The following MTSS1 variants were observed in gnomAD, a reference collection of about 807,000 sequenced individuals.
MTSS1 encodes protein MTSS 1.
MTSS1 carries 18 observed loss-of-function variants against 79.0 expected under a neutral mutation model. The ratio of observed to expected loss-of-function variants is 0.23; its 90% CI spans 0.16 to 0.34. MTSS1 has a LOEUF of 0.34. Ranked by LOEUF, MTSS1 falls within the 10% of genes least tolerant of loss-of-function variation. The pLI is 1.00. For synonymous variants in MTSS1, 341 were observed against 368.6 expected (o/e 0.93, Z 0.86); for missense variants, 815 against 986.2 (o/e 0.83, Z 2.33).
rs1199637630 is a variant in MTSS1 at position 124,567,057 on chromosome 8, C to T, written c.726+14G>A. On this transcript the variant is annotated intron_variant, in intron 8 of 13. Coordinates refer to ENST00000518547, the MANE Select transcript of MTSS1 (RefSeq NM_014751.6). Reference sequence around the variant, plus strand: ...TTGGTTTGATCCTGTAAGTGCTTAACCCCTGAAGCCTACCTGTTCACTTGA... The same window carrying T: ...TTGGTTTGATCCTGTAAGTGCTTAATCCCTGAAGCCTACCTGTTCACTTGA... 6.9e-6 allele frequency: 11 copies of T among 1,589,740 alleles called. No individual in the cohort carries two copies. The highest frequency in any genetic ancestry group is 9.5e-6 in the Non-Finnish European group (11 of 1,158,088).
In MTSS1 at chr8:124,558,517, G is replaced by A. The variant is rs79146787; in HGVS notation, c.1036-642C>T. On this transcript the variant is annotated intron_variant, in intron 10 of 13. Coordinates refer to ENST00000518547, the MANE Select transcript of MTSS1 (RefSeq NM_014751.6). The stretch of plus-strand genomic sequence containing the variant: ...CCTTCCTCTCCCTTGAGACAACCAT[G>A]TGGTCATTGTCCAGCAGCCAGGCAC... 9.1e-3 allele frequency among the ~76,000 whole-genome samples: 1,385 copies of A among 152,256 alleles called. 24 individuals are homozygous for A. Among genetic ancestry groups the A allele is most frequent in the African/African-American group, 0.032 (1,334 of 41,540 alleles).
chr8:124,645,122 C>T (rs568477414), intron 3 of MTSS1, among the ~76,000 whole-genome samples: 74 of 152,246 alleles, frequency 4.9e-4, no homozygotes, highest in Non-Finnish European at 9.7e-4. Flanking sequence ...AATCCCAGCA[C>T]TTTGGGAGGC....
intron 3 of MTSS1, among the ~76,000 whole-genome samples, chr8:124,652,814 C>A (rs7819500): frequency 0.082 from 10,655 of 130,254 alleles, 464 homozygotes; most frequent in African/African-American, 0.12. Context: ...AAAAAAAAAA[C>A]ACAGCCATCA....
rs965730393 is a variant in MTSS1 at position 124,553,775 on chromosome 8, G to A, written c.1568-83C>T. 5.7e-6 allele frequency: 7 copies of A among 1,219,794 alleles called. No homozygotes were observed. Among genetic ancestry groups the A allele is most frequent in the East Asian group, 2.4e-5 (1 of 40,902 alleles). 75.6% of individuals were successfully genotyped at this position (1,219,794 alleles called of 1,614,324 possible). On this transcript the variant is annotated intron_variant, in intron 13 of 13. Coordinates refer to ENST00000518547, the MANE Select transcript of MTSS1 (RefSeq NM_014751.6). The surrounding 1 kb of genome is among the most constrained non-coding windows in gnomAD (Gnocchi z 6.0). ...TCTGGGCTGGGAGGACAAAAGGCAC[G>A]CAAGGCAGGGTACACACACAGTCTC...
chr8:124,670,179 G>A (rs886272219), intron 3 of MTSS1, among the ~76,000 whole-genome samples: 2 of 152,250 alleles, frequency 1.3e-5, no homozygotes, highest in African/African-American at 4.8e-5. Context: ...AGGAGGATGG[G>A]GTATTTTTGC....
chr8:124,570,381 G>A (rs550794465), intron 6 of MTSS1, among the ~76,000 whole-genome samples: 1 of 152,224 alleles, frequency 6.6e-6, no homozygotes, highest in Admixed American at 6.5e-5. Flanking sequence ...CCTCCTCTGT[G>A]GTTTTGCTTT....
chr8:124,643,473 A>G (rs62530690), intron 3 of MTSS1, among the ~76,000 whole-genome samples: 31,979 of 151,970 alleles, frequency 0.21, 4,188 homozygotes, highest in African/African-American at 0.37. Context: ...CGAGGCAGGC[A>G]GATCACCTGA....
chr8:124,606,164 G>GTTTTTTTTTTTTTT (rs199611609), intron 3 of MTSS1, among the ~76,000 whole-genome samples: 1 of 106,060 alleles, frequency 9.4e-6, no homozygotes, highest in African/African-American at 4.4e-5. Context: ...TCTGTGTTTG[G>GTTTTTTTTTTTTTT]TTTTTTGTTT....
At position 124,728,091 on chromosome 8, in the gene MTSS1, G is replaced by C. The variant is rs1000637463; in HGVS notation, c.-136C>G. On this transcript the variant is annotated 5_prime_UTR_variant, in exon 1 of 14. Coordinates refer to ENST00000518547, the MANE Select transcript of MTSS1 (RefSeq NM_014751.6). The surrounding 1 kb of genome is among the most constrained non-coding windows in gnomAD (Gnocchi z 6.1). The stretch of plus-strand genomic sequence containing the variant: ...GACTCGCAGCCTCTTCTGCAGCGAG[G>C]ACGGGGTGCACCAGACCGACTGTTC... The C allele has an allele frequency of 1.5e-6, 1 of 672,086 alleles. No individual in the cohort carries two copies. Among genetic ancestry groups the C allele is most frequent in the African/African-American group, 1.9e-5 (1 of 52,952 alleles). 41.6% of individuals were successfully genotyped at this position (672,086 alleles called of 1,614,324 possible).
At chr8:124,580,518 G>A in intron 6 of MTSS1, 2 of 1,535,814 alleles carry the variant, frequency 1.3e-6, no homozygotes, top group Admixed American at 2.0e-5. Context: ...CACACCGTGA[G>A]CAGCCACCAG....
At chr8:124,599,395 A>C (rs1198078624) in intron 3 of MTSS1, among the ~76,000 whole-genome samples, 1 of 151,500 alleles carries the variant, frequency 6.6e-6, no homozygotes, top group Non-Finnish European at 1.5e-5. Context: ...AGGCAGGAGA[A>C]TCACTTGAAC....
chr8:124,663,595 T>C (rs555308643), intron 3 of MTSS1, among the ~76,000 whole-genome samples: 1 of 152,204 alleles, frequency 6.6e-6, no homozygotes, highest in East Asian at 1.9e-4. Context: ...TTCTGTAAAT[T>C]TTCCTTTTCC....
At chr8:124,695,334 A>AT (rs1554722943) in intron 3 of MTSS1, among the ~76,000 whole-genome samples, 2 of 130,722 alleles carry the variant, frequency 1.5e-5, no homozygotes, top group Non-Finnish European at 1.6e-5. Context: ...ATCAAGAGGG[A>AT]TAAAAAAAAA....
At chr8:124,698,795 T>A (rs1311320654) in intron 3 of MTSS1, among the ~76,000 whole-genome samples, 3 of 152,210 alleles carry the variant, frequency 2.0e-5, no homozygotes, top group Non-Finnish European at 4.4e-5. Flanking sequence ...GTGCTGGGAT[T>A]ACAGGCATGA....
intron 6 of MTSS1, among the ~76,000 whole-genome samples, chr8:124,584,191 C>T (rs957384995): frequency 6.6e-6 from 1 of 152,182 alleles, no homozygotes; most frequent in Non-Finnish European, 1.5e-5. Flanking sequence ...CAACAGAGAA[C>T]GCTGGTTTAG....
Position 124,552,977 on chromosome 8 carries a change from G to T in MTSS1, c.*15C>A. 1 of 1,605,130 alleles carries T rather than the reference G, an allele frequency of 6.2e-7. No homozygotes were observed. Among genetic ancestry groups the T allele is most frequent in the Non-Finnish European group, 8.5e-7 (1 of 1,172,822 alleles). ...ATGAAACAGTTCATTCCCCACCGGC[G>T]CATTTCTTGTGAACCTAAGAAAAGC... On this transcript the variant is annotated 3_prime_UTR_variant, in exon 14 of 14. Coordinates refer to ENST00000518547, the MANE Select transcript of MTSS1 (RefSeq NM_014751.6).
chr8:124,632,847 T>C lies in MTSS1; in HGVS notation c.209-41612A>G, dbSNP rs112219283. 8.4e-3 allele frequency among the ~76,000 whole-genome samples: 1,283 copies of C among 152,280 alleles called. 17 individuals are homozygous for C. Among genetic ancestry groups the C allele is most frequent in the African/African-American group, 0.03 (1,243 of 41,570 alleles). On this transcript the variant is annotated intron_variant, in intron 3 of 13. Coordinates refer to ENST00000518547, the MANE Select transcript of MTSS1 (RefSeq NM_014751.6). ...CGCATCCAGCTAATTTTTGTATTTTTAGTAGAGATGGGGTTTTGCCATGTT... is the reference window on the plus strand; with the variant it reads ...CGCATCCAGCTAATTTTTGTATTTTCAGTAGAGATGGGGTTTTGCCATGTT...
At chr8:124,609,069 G>A (rs569505757) in intron 3 of MTSS1, among the ~76,000 whole-genome samples, 7 of 152,342 alleles carry the variant, frequency 4.6e-5, no homozygotes, top group African/African-American at 1.7e-4. Flanking sequence ...GGGCTAGAAT[G>A]TTTCACCAGC....
intron 1 of MTSS1, among the ~76,000 whole-genome samples, chr8:124,723,127 AG>A (rs1833186934): frequency 6.6e-6 from 1 of 152,220 alleles, no homozygotes. Flanking sequence ...AAAGGGCAAG[AG>A]GTCAGCAACT....
Sources: gnomAD v4.1 joint callset for allele counts (sites outside exome capture counted in the v4.1 genomes callset) on GRCh38, gnomAD v4.1.1 for gene constraint, Gnocchi (gnomAD v3.1) non-coding constraint, MANE v1.5 for transcripts, NCBI Gene and HGNC (gene_info 2026-07-23, HGNC 2026-07-21) for gene names.